CDK14: variants seen among roughly 807,000 people sequenced by gnomAD.
The protein encoded by CDK14 is cyclin-dependent kinase 14.
A neutral mutation model predicts 60.7 loss-of-function variants in CDK14; 34 were observed. That is an observed-to-expected ratio of 0.56 (90% CI 0.43 to 0.75). The LOEUF (loss-of-function observed/expected upper bound fraction) is 0.75, where lower values mean the gene tolerates loss of function less well. CDK14 is among the 30% of genes least tolerant of loss of function. The probability of loss-of-function intolerance (pLI) is 0.00; values close to 1 mark genes in which losing one functional copy is unlikely to be tolerated. For missense variants in CDK14, 482 were observed against 564.1 expected (o/e 0.85, Z 1.47); for synonymous variants, 197 against 203.7 (o/e 0.97, Z 0.28).
chr7:90,820,070 T>C (rs1056998903), intron 5 of CDK14, among the ~76,000 whole-genome samples: 4 of 152,264 alleles, frequency 2.6e-5, no homozygotes, highest in Middle Eastern at 6.8e-3. Flanking sequence ...GTATTTGAAG[T>C]TCCAAGGGTT....
At chr7:91,058,668 G>C (rs1797667944) in intron 11 of CDK14, among the ~76,000 whole-genome samples, 2 of 152,132 alleles carry the variant, frequency 1.3e-5, no homozygotes, top group Non-Finnish European at 2.9e-5. Context: ...TAATCATGTG[G>C]TTTTTGTCAT....
At chr7:90,770,491 G>A (rs1371570843) in intron 4 of CDK14, among the ~76,000 whole-genome samples, 1 of 152,046 alleles carries the variant, frequency 6.6e-6, no homozygotes, top group Non-Finnish European at 1.5e-5. Context: ...TACTTCACTG[G>A]TTCTTAATTA....
intron 11 of CDK14, among the ~76,000 whole-genome samples, chr7:91,057,480 C>A (rs950339407): frequency 6.6e-6 from 1 of 151,900 alleles, no homozygotes; most frequent in Non-Finnish European, 1.5e-5. Context: ...AGTCCTTGCC[C>A]ATGCCTATGT....
At chr7:90,667,185 A>T (rs904644005) in intron 2 of CDK14, among the ~76,000 whole-genome samples, 1 of 152,204 alleles carries the variant, frequency 6.6e-6, no homozygotes, top group African/African-American at 2.4e-5. Context: ...GTACATCTTT[A>T]TAAAAGGGGA....
At chr7:90,767,659 A>T (rs1804618220) in intron 4 of CDK14, among the ~76,000 whole-genome samples, 1 of 152,120 alleles carries the variant, frequency 6.6e-6, no homozygotes, top group African/African-American at 2.4e-5. Flanking sequence ...CTACCTTTTT[A>T]TTCATTGCCA....
At chr7:90,618,065 A>G (rs1799689732) in intron 2 of CDK14, among the ~76,000 whole-genome samples, 1 of 152,096 alleles carries the variant, frequency 6.6e-6, no homozygotes, top group Non-Finnish European at 1.5e-5. Flanking sequence ...AAATTCATTC[A>G]TTTTCTTCGA....
At chr7:91,147,293 T>C (rs1212010166) in intron 14 of CDK14, among the ~76,000 whole-genome samples, 2 of 151,934 alleles carry the variant, frequency 1.3e-5, no homozygotes, top group South Asian at 2.1e-4. Context: ...TTTTTGAGTG[T>C]ACTCTCTCTC....
chr7:90,678,148 A>G (rs1801237720), intron 2 of CDK14, among the ~76,000 whole-genome samples: 1 of 152,248 alleles, frequency 6.6e-6, no homozygotes, highest in Admixed American at 6.5e-5. Flanking sequence ...TAAGAGGCAT[A>G]TAACATAGGG....
rs193183730 is a variant in CDK14, at chr7:91,103,051, G to A, written c.1155-9491G>A. On this transcript the variant is annotated intron_variant, in intron 12 of 14. Coordinates refer to ENST00000380050, the MANE Select transcript of CDK14 (RefSeq NM_001287135.2). Reference sequence around the variant, plus strand: ...GGCGGATCAACTGAGTTCAGGGTTCGAGACCAGTCTGGCCAACATGGTGAA... The same window carrying A: ...GGCGGATCAACTGAGTTCAGGGTTCAAGACCAGTCTGGCCAACATGGTGAA... Among the ~76,000 whole-genome samples the A allele has an allele frequency of 7.9e-5, 12 of 152,144 alleles. 3 individuals are homozygous for A. The highest frequency in any genetic ancestry group is 2.6e-4 in the African/African-American group (11 of 41,524).
chr7:91,155,736 T>C (rs1217919704), intron 14 of CDK14, among the ~76,000 whole-genome samples: 2 of 152,208 alleles, frequency 1.3e-5, no homozygotes, highest in African/African-American at 4.8e-5. Flanking sequence ...ACTGAGGCCA[T>C]TTTTGTGTCA....
chr7:90,847,121 C>G (rs1217515096), intron 5 of CDK14, among the ~76,000 whole-genome samples: 1 of 152,112 alleles, frequency 6.6e-6, no homozygotes, highest in Non-Finnish European at 1.5e-5. Flanking sequence ...CAGGTTATGC[C>G]AAGCAATCTG....
chr7:90,913,664 G>A (rs1449785947), intron 7 of CDK14, among the ~76,000 whole-genome samples: 2 of 152,164 alleles, frequency 1.3e-5, no homozygotes, highest in Non-Finnish European at 2.9e-5. Flanking sequence ...TACGTCTGTT[G>A]GGCCTGCAGA....
intron 11 of CDK14, among the ~76,000 whole-genome samples, chr7:91,052,239 A>G (rs943314461): frequency 2.0e-5 from 3 of 152,334 alleles, no homozygotes; most frequent in Admixed American, 2.0e-4. Context: ...CCTGAGGTCC[A>G]GAGATGTTAA....
chr7:91,000,580 G>A (rs1795809935), intron 10 of CDK14, among the ~76,000 whole-genome samples: 1 of 152,184 alleles, frequency 6.6e-6, no homozygotes. Context: ...ATGACAGAGA[G>A]TACTCTTTAT....
intron 9 of CDK14, among the ~76,000 whole-genome samples, chr7:90,973,714 G>A (rs187500261): frequency 0.017 from 1,485 of 88,496 alleles, 21 homozygotes; most frequent in African/African-American, 0.046. Context: ...ACCTCGAGCC[G>A]CAAAACCAGC....
At chr7:91,181,081 T>C (rs1430063637) in intron 14 of CDK14, among the ~76,000 whole-genome samples, 1 of 152,236 alleles carries the variant, frequency 6.6e-6, no homozygotes, top group Admixed American at 6.5e-5. Flanking sequence ...CACACTCTCC[T>C]GGCCAAAACC....
intron 4 of CDK14, among the ~76,000 whole-genome samples, chr7:90,785,558 G>C (rs1235928202): frequency 6.6e-6 from 1 of 152,000 alleles, no homozygotes; most frequent in African/African-American, 2.4e-5. Flanking sequence ...GGCCGAGATG[G>C]GCAGATCACG....
intron 11 of CDK14, among the ~76,000 whole-genome samples, chr7:91,074,595 G>A (rs928930987): frequency 6.6e-6 from 1 of 152,078 alleles, no homozygotes; most frequent in Non-Finnish European, 1.5e-5. Flanking sequence ...AGGAACTAGA[G>A]AAGCAAGAGC....
intron 11 of CDK14, among the ~76,000 whole-genome samples, chr7:91,047,257 A>G (rs1236441061): frequency 6.6e-6 from 1 of 152,228 alleles, no homozygotes; most frequent in Non-Finnish European, 1.5e-5. Flanking sequence ...GGAGACTTTA[A>G]AAAGATTTGA....
Sources: allele counts gnomAD v4.1 joint callset (sites outside exome capture counted in the v4.1 genomes callset), GRCh38; gene constraint gnomAD v4.1.1; transcripts MANE v1.5; gene names NCBI Gene and HGNC (gene_info 2026-07-23, HGNC 2026-07-21).